Variants in MRPL43 observed in about 807,000 individuals in gnomAD.
MRPL43 encodes large ribosomal subunit protein mL43.
MRPL43 carries 9 observed loss-of-function variants against 12.7 expected under a neutral mutation model. That is an observed-to-expected ratio of 0.71 (90% CI 0.43 to 1.24). The LOEUF is 1.24. Among genes scored for constraint, MRPL43 ranks in the 50% most tolerant of loss-of-function variants. The pLI is 0.00. For synonymous variants in MRPL43, 116 were observed against 96.4 expected (o/e 1.20, Z -1.19); for missense variants, 211 against 229.2 (o/e 0.92, Z 0.51).
At chr10:100,980,347 G>A (rs1851003812), downstream of MRPL43, 1 of 1,612,598 alleles carries the variant, frequency 6.2e-7, no homozygotes, top group Non-Finnish European at 8.5e-7. Context: ...GGGCACAGGT[G>A]CTTCTGATCC....
At chr10:100,981,009 TG>T (rs758027922), downstream of MRPL43, 2 of 1,591,566 alleles carry the variant, frequency 1.3e-6, no homozygotes. Flanking sequence ...TGGGAAGTGG[TG>T]GGGGGTGACA....
chr10:100,981,028 G>T (rs746399655), downstream of MRPL43: 3 of 1,593,522 alleles, frequency 1.9e-6, no homozygotes, highest in Non-Finnish European at 2.6e-6. Context: ...ACAGTCACAT[G>T]TGGTCTGAGT....
chr10:100,987,328 G>T lies in MRPL43; in HGVS notation c.116C>A (p.Ser39Ter). ...CTTGGCTCACCTGGCGCCGCGAGAC[G>T]AGGCGCCGTCGCGGCTGACGCTGAA... is the stretch of plus-strand genomic sequence containing the variant. ...LSFSVSRDGA[S>*]SRGAREFVER... Residue 39 changes from serine (S) to a stop codon, truncating the protein, a stop_gained, in exon 1 of 3, where the codon TCG (serine) becomes TAG (stop). Coordinates refer to ENST00000318364, the MANE Select transcript of MRPL43 (RefSeq NM_032112.3). LOFTEE classifies it high-confidence loss of function. 1.9e-6 allele frequency: 3 copies of T among 1,612,410 alleles called. No homozygotes were observed. Among genetic ancestry groups the T allele is most frequent in the Non-Finnish European group, 2.5e-6 (3 of 1,179,842 alleles).
At chr10:100,981,611 TG>T, downstream of MRPL43, 2 of 1,567,564 alleles carry the variant, frequency 1.3e-6, no homozygotes, top group Non-Finnish European at 1.8e-6. Context: ...TGCCAGACAC[TG>T]ATCTAAATAC....
Position 100,987,463 on chromosome 10 carries a change from C to T in MRPL43, c.-20G>A. ...CGTCATAGCTACAGCTTGGAGGCCGCGGAGCCTAAGCAGCGAGGAGAGGGG... is the reference window on the plus strand; with the variant it reads ...CGTCATAGCTACAGCTTGGAGGCCGTGGAGCCTAAGCAGCGAGGAGAGGGG... On this transcript the variant is annotated 5_prime_UTR_variant, in exon 1 of 3. Coordinates refer to ENST00000318364, the MANE Select transcript of MRPL43 (RefSeq NM_032112.3). The T allele has an allele frequency of 6.2e-7, 1 of 1,610,570 alleles. No homozygotes were observed. The highest frequency in any genetic ancestry group is 1.1e-5 in the South Asian group (1 of 90,974).
downstream of MRPL43, chr10:100,980,886 A>C: frequency 6.2e-7 from 1 of 1,610,760 alleles, no homozygotes; most frequent in South Asian, 1.1e-5. Context: ...TGCTCCCGCT[A>C]CCGATCCTGC....
downstream of MRPL43, chr10:100,978,835 T>G: frequency 1.2e-6 from 2 of 1,611,676 alleles, no homozygotes; most frequent in Non-Finnish European, 1.7e-6. Flanking sequence ...CCTCTCAAAC[T>G]GCCTGACCCA....
downstream of MRPL43, chr10:100,980,810 T>C: frequency 6.4e-7 from 1 of 1,567,064 alleles, no homozygotes; most frequent in Non-Finnish European, 8.6e-7. Context: ...AACTGTCCTA[T>C]CTGGCTCCCA....
Position 100,987,295 on chromosome 10 carries a change from G to A in MRPL43, c.131+18C>T. On this transcript the variant is annotated intron_variant, in intron 1 of 2. Coordinates refer to ENST00000318364, the MANE Select transcript of MRPL43 (RefSeq NM_032112.3). ...CACACCCACCCCGACCCGCGCCTGCGCACTTCCCTTGGCTCACCTGGCGCC... is the reference window on the plus strand; with the variant it reads ...CACACCCACCCCGACCCGCGCCTGCACACTTCCCTTGGCTCACCTGGCGCC... The A allele has an allele frequency of 6.2e-7, 1 of 1,611,974 alleles. No homozygotes were observed. The highest frequency in any genetic ancestry group is 8.5e-7 in the Non-Finnish European group (1 of 1,179,834).
downstream of MRPL43, chr10:100,979,756 C>A: frequency 6.7e-7 from 1 of 1,489,330 alleles, no homozygotes; most frequent in Non-Finnish European, 9.2e-7. Flanking sequence ...CTGGGGTTGG[C>A]CAGGGTAACA....
chr10:100,984,405 C>A, downstream of MRPL43: 1 of 1,459,842 alleles, frequency 6.9e-7, no homozygotes, highest in Non-Finnish European at 9.0e-7. Context: ...AGAGCCAGTT[C>A]CTATCCCCTA....
chr10:100,987,236 G>C, intron 1 of MRPL43, 40 bp from the exon 2 acceptor site: 1 of 1,612,934 alleles, frequency 6.2e-7, no homozygotes, highest in East Asian at 2.2e-5. Flanking sequence ...ACCCCTGACT[G>C]GGGGCGACCT....
At chr10:100,983,173 C>G, downstream of MRPL43, 9 of 1,115,850 alleles carry the variant, frequency 8.1e-6, no homozygotes, top group South Asian at 5.0e-5. Context: ...GAGCACAGAG[C>G]CTGGGTCAGC....
At chr10:100,980,103 C>T (rs1850992040), downstream of MRPL43, 3 of 1,613,922 alleles carry the variant, frequency 1.9e-6, no homozygotes, top group Non-Finnish European at 2.5e-6. Context: ...AGGTTCACCA[C>T]CTTCGTCCCC....
At chr10:100,981,124 A>G (rs1281133110), downstream of MRPL43, 1 of 1,608,754 alleles carries the variant, frequency 6.2e-7, no homozygotes, top group African/African-American at 1.3e-5. Context: ...TGGGAAACTG[A>G]AACCCAGTTC....
chr10:100,986,518 T>A lies in MRPL43; in HGVS notation c.*216A>T. 1 of 1,551,866 alleles carries A rather than the reference T, an allele frequency of 6.4e-7. No individual in the cohort carries two copies. Among genetic ancestry groups the A allele is most frequent in the Middle Eastern group, 1.7e-4 (1 of 5,992 alleles). On this transcript the variant is annotated 3_prime_UTR_variant, in exon 3 of 3. Transcript: ENST00000318364. The stretch of plus-strand genomic sequence containing the variant: ...TCTTCCTCATCTCAGGTTTTAGGGA[T>A]GCCACTTGCATAAAAATGAGTGGTT...
chr10:100,980,600 CGTA>C, downstream of MRPL43: 1 of 1,614,090 alleles, frequency 6.2e-7, no homozygotes, highest in Non-Finnish European at 8.5e-7. Context: ...TCCACAAGGC[CGTA>C]GTCCTGGGCT....
In MRPL43 at chr10:100,986,470, A is replaced by C. The variant is rs753818612; in HGVS notation, c.*264T>G. ...ATTATCAATTTGGATTTAAAAAACA[A>C]GGGCCCTGTAAAACCCTTGAAGTCT... On this transcript the variant is annotated 3_prime_UTR_variant, in exon 3 of 3. Transcript: ENST00000318364. The C allele has an allele frequency of 6.5e-7, 1 of 1,532,788 alleles. No homozygotes were observed. The highest frequency in any genetic ancestry group is 8.8e-7 in the Non-Finnish European group (1 of 1,141,584). The allele number at this position is 1,532,788 out of a possible 1,614,324, so 94.9% of individuals were successfully genotyped here. A position where few individuals can be genotyped will look rare whatever the true frequency, so the allele number is the denominator to read the frequency against.
Position 100,986,551 on chromosome 10 carries a change from T to A in MRPL43, c.*183A>T, listed in dbSNP as rs1039069596. 5 of 1,561,396 alleles carry A rather than the reference T, an allele frequency of 3.2e-6. No individual in the cohort carries two copies. The African/African-American group carries it at 6.8e-5, about 21-fold the overall frequency. The stretch of plus-strand genomic sequence containing the variant: ...GCATAAAAATGAGTGGTTCACAAGG[T>A]CACTGCCCCCAGAAGCAGGCACTGG... On this transcript the variant is annotated 3_prime_UTR_variant, in exon 3 of 3. Coordinates refer to ENST00000318364, the MANE Select transcript of MRPL43 (RefSeq NM_032112.3).
Sources: allele counts gnomAD v4.1 joint callset, GRCh38; gene constraint gnomAD v4.1.1; transcripts MANE v1.5; gene names NCBI Gene and HGNC (gene_info 2026-07-23, HGNC 2026-07-21).